RTN4: variants seen among roughly 807,000 people sequenced by gnomAD.
RTN4 encodes the protein reticulon-4.
Under a neutral mutation model 90.4 loss-of-function variants are expected in RTN4, and 32 were observed. The observed-to-expected ratio is 0.35, with a 90% CI of 0.27 to 0.48. The LOEUF (loss-of-function observed/expected upper bound fraction) is 0.48. Ranked by LOEUF, RTN4 falls within the 20% of genes least tolerant of loss-of-function variation. RTN4 has a pLI of 0.99. For missense variants in RTN4, 1,706 were observed against 1,430.2 expected (o/e 1.19, Z -3.11); for synonymous variants, 629 against 552.5 (o/e 1.14, Z -1.94).
chr2:54,976,800 C>G (rs1158135123), intron 5 of RTN4, among the ~76,000 whole-genome samples: 3 of 152,130 alleles, frequency 2.0e-5, no homozygotes, highest in Non-Finnish European at 4.4e-5. Context: ...ACAGGCTGCT[C>G]TCATTTTGGA....
upstream of RTN4, among the ~76,000 whole-genome samples, chr2:55,115,253 A>G (rs772466549): frequency 3.3e-5 from 5 of 152,210 alleles, no homozygotes; most frequent in Non-Finnish European, 7.3e-5. Flanking sequence ...CCTTTCTACA[A>G]GCACTAGAGG....
At position 54,973,117 on chromosome 2, in the gene RTN4, C is replaced by G. The variant is rs756245158; in HGVS notation, c.*39G>C. The G allele has an allele frequency of 1.3e-6, 2 of 1,555,080 alleles. No individual in the cohort carries two copies. The highest frequency in any genetic ancestry group is 1.8e-6 in the Non-Finnish European group (2 of 1,129,894). The stretch of plus-strand genomic sequence containing the variant: ...CCCCCGTATAATCAAATGAATATCC[C>G]CTTTAAAGATGAACTCCTACTAATT... On this transcript the variant is annotated 3_prime_UTR_variant, in exon 9 of 9. Transcript: ENST00000337526.
At chr2:55,089,541 A>G (rs1474962990) in intron 1 of RTN4, among the ~76,000 whole-genome samples, 1 of 152,240 alleles carries the variant, frequency 6.6e-6, no homozygotes, top group Non-Finnish European at 1.5e-5. Context: ...TTTATCAATT[A>G]CGGAAAAATC....
At chr2:55,049,250 G>C in intron 1 of RTN4, 1 of 855,430 alleles carries the variant, frequency 1.2e-6, no homozygotes, top group African/African-American at 1.8e-5. Flanking sequence ...GGTGAGGAGG[G>C]AGCCCGGGGC....
intron 2 of RTN4, among the ~76,000 whole-genome samples, chr2:55,075,433 A>T (rs772251922): frequency 1.3e-5 from 2 of 152,236 alleles, no homozygotes; most frequent in African/African-American, 2.4e-5. Flanking sequence ...GCTGAAATAA[A>T]TCATAGGTGA....
the RTN4 span, among the ~76,000 whole-genome samples, chr2:55,136,579 C>T: frequency 1.3e-5 from 2 of 152,226 alleles, no homozygotes; most frequent in Non-Finnish European, 2.9e-5. Flanking sequence ...TGAATTCTTT[C>T]GCCTGAGGCG....
chr2:55,010,150 A>G (rs1369567465), intron 3 of RTN4: 2 of 1,612,858 alleles, frequency 1.2e-6, no homozygotes, highest in Middle Eastern at 1.7e-4. Flanking sequence ...TGCAGCTCCA[A>G]TTATTAATTA....
At chr2:55,134,609 G>C in the RTN4 span, among the ~76,000 whole-genome samples, 1 of 152,194 alleles carries the variant, frequency 6.6e-6, no homozygotes, top group Non-Finnish European at 1.5e-5. Context: ...AATATGCAAA[G>C]AGAATATTAT....
At chr2:55,108,374 T>C (rs1667980414) in intron 1 of RTN4, among the ~76,000 whole-genome samples, 1 of 152,106 alleles carries the variant, frequency 6.6e-6, no homozygotes, top group Non-Finnish European at 1.5e-5. Flanking sequence ...ATTTAGTTAC[T>C]TGAGTGCTCA....
intron 3 of RTN4, among the ~76,000 whole-genome samples, chr2:54,990,388 G>A (rs1573313366): frequency 6.6e-6 from 1 of 152,146 alleles, no homozygotes; most frequent in East Asian, 1.9e-4. Context: ...AATATATACA[G>A]CTATGATTTG....
upstream of RTN4, among the ~76,000 whole-genome samples, chr2:55,114,553 G>C (rs1423502062): frequency 6.6e-6 from 1 of 152,178 alleles, no homozygotes; most frequent in Non-Finnish European, 1.5e-5. Context: ...ACAAAAATTA[G>C]ATGAGCGTGG....
At chr2:55,024,918 G>T (rs1288461015) in intron 3 of RTN4, among the ~76,000 whole-genome samples, 168 bp downstream of exon 3, 1 of 152,188 alleles carries the variant, frequency 6.6e-6, no homozygotes, top group East Asian at 1.9e-4. Flanking sequence ...CTGAGTGCAA[G>T]AGAGTTAGAA....
In RTN4 at chr2:55,027,103, C is replaced by A. The variant is rs376197823; in HGVS notation, c.996G>T (p.Glu332Asp). Residue 332 changes from glutamate (E) to aspartate (D), a missense_variant, in exon 3 of 9, where the codon GAG (glutamate) becomes GAT (aspartate). By Grantham distance (45) the Glu-to-Asp change is conservative (BLOSUM62 2). Coordinates refer to ENST00000337526, the MANE Select transcript of RTN4 (RefSeq NM_020532.5). ...EIIVKNKDEE[E>D]KLVSNNILHN... ...GAAGGATGTTATTACTAACTAACTT[C>A]TCTTCTTCATCTTTATTTTTCACGA... The A allele has an allele frequency of 1.9e-6, 3 of 1,613,088 alleles. No homozygotes were observed. The highest frequency in any genetic ancestry group is 2.5e-6 in the Non-Finnish European group (3 of 1,179,680).
intron 1 of RTN4, among the ~76,000 whole-genome samples, chr2:55,033,060 A>AT (rs1214881378): frequency 6.6e-6 from 1 of 151,548 alleles, no homozygotes; most frequent in Non-Finnish European, 1.5e-5. Context: ...TAAAAAAAAA[A>AT]AAAAAGAAAA....
chr2:54,981,277 G>GT lies in RTN4; in HGVS notation c.3360+1237dup, dbSNP rs145702336. 4.4e-3 allele frequency among the ~76,000 whole-genome samples: 602 copies of GT among 136,048 alleles called. 5 individuals carry two copies. The highest frequency in any genetic ancestry group is 0.027 in the East Asian group (125 of 4,660). 89.3% of individuals were successfully genotyped at this position (136,048 alleles called of 152,430 possible). On this transcript the variant is annotated intron_variant, in intron 5 of 8. Transcript: ENST00000337526. The stretch of plus-strand genomic sequence containing the variant: ...ACTACTAGGTTATAAAGGCTAAAAT[G>GT]TTTTTGTTTTTTTTTTTTAAAAAGC...
At chr2:55,049,559 CG>C (rs1340525651) in intron 1 of RTN4, 185 bp downstream of exon 1, 8 of 949,496 alleles carry the variant, frequency 8.4e-6, no homozygotes, top group Non-Finnish European at 1.3e-5. Context: ...AGAACAAACC[CG>C]GGCTCCAAGG....
chr2:55,085,087 G>C (rs1668811272), intron 1 of RTN4, among the ~76,000 whole-genome samples: 2 of 152,206 alleles, frequency 1.3e-5, no homozygotes, highest in Non-Finnish European at 2.9e-5. Flanking sequence ...ACTGCACCTA[G>C]CTCTTTGTTG....
chr2:54,976,264 C>T (rs1232691524), intron 5 of RTN4, among the ~76,000 whole-genome samples: 1 of 152,220 alleles, frequency 6.6e-6, no homozygotes, highest in Non-Finnish European at 1.5e-5. Context: ...TCCAAGTCCA[C>T]AGGGGAAAAG....
intron 2 of RTN4, among the ~76,000 whole-genome samples, chr2:55,073,381 T>A (rs763004985): frequency 1.4e-4 from 22 of 152,240 alleles, no homozygotes; most frequent in Non-Finnish European, 3.1e-4. Context: ...GACATAAATA[T>A]GCAGTAGCAT....
Sources: gnomAD v4.1 joint callset for allele counts (sites outside exome capture counted in the v4.1 genomes callset) on GRCh38, gnomAD v4.1.1 for gene constraint, MANE v1.5 for transcripts, NCBI Gene and HGNC (gene_info 2026-07-23, HGNC 2026-07-21) for gene names.